OCLN: variants seen among roughly 807,000 people sequenced by gnomAD.
The protein encoded by OCLN is phosphatase 1, regulatory subunit 115.
OCLN carries 21 observed loss-of-function variants against 47.9 expected under a neutral mutation model. That is an observed-to-expected ratio of 0.44 (90% CI 0.31 to 0.63). OCLN has a LOEUF of 0.63. OCLN is among the 30% of genes least tolerant of loss of function. The pLI is 0.08. For missense variants in OCLN, 360 were observed against 571.0 expected, an observed-to-expected ratio of 0.63 and a Z score of 3.77; for synonymous variants, 117 against 198.4, an observed-to-expected ratio of 0.59 and a Z score of 3.45.
intron 1 of OCLN, among the ~76,000 whole-genome samples, chr5:69,495,400 T>A (rs2111920306): frequency 6.6e-6 from 1 of 152,326 alleles, no homozygotes; most frequent in Middle Eastern, 3.4e-3. Context: ...ATTCTGCCTT[T>A]CTAACAGGCT....
rs1309189343 is a variant in OCLN at position 69,536,195 on chromosome 5, T to C, written c.1037+1356T>C. On this transcript the variant is annotated intron_variant, in intron 5 of 8. Coordinates refer to ENST00000396442, the MANE Select transcript of OCLN (RefSeq NM_001205254.2). ...TGAATGAAGCTTGTAGGACTGGAAG[T>C]TGCTCTGGGTGAGTCAGGGAGTAAG... Among the ~76,000 whole-genome samples, 21 of 152,096 alleles carry C rather than the reference T, an allele frequency of 1.4e-4. No homozygotes were observed. The East Asian group carries it at 3.9e-3, about 28-fold the overall frequency.
chr5:69,503,968 T>G (rs1037335805), intron 1 of OCLN, among the ~76,000 whole-genome samples: 2 of 152,080 alleles, frequency 1.3e-5, no homozygotes, highest in Non-Finnish European at 2.9e-5. Context: ...GGCATGGTGG[T>G]GCAGGTCTGT....
At chr5:69,501,536 G>T (rs1473849098) in intron 1 of OCLN, among the ~76,000 whole-genome samples, 6 of 152,030 alleles carry the variant, frequency 3.9e-5, no homozygotes, top group Admixed American at 3.3e-4. Context: ...GGCTGAGGCA[G>T]GAGGATTGCT....
chr5:69,503,874 A>G (rs917721777), intron 1 of OCLN, among the ~76,000 whole-genome samples: 2 of 152,178 alleles, frequency 1.3e-5, no homozygotes, highest in Non-Finnish European at 2.9e-5. Context: ...TTTCTTATAC[A>G]TTCTCATTTA....
At chr5:69,514,775 C>T (rs1276970716) in intron 4 of OCLN, among the ~76,000 whole-genome samples, 1 of 152,156 alleles carries the variant, frequency 6.6e-6, no homozygotes, top group Admixed American at 6.6e-5. Context: ...GCACATCTTG[C>T]ACCACTCTTA....
chr5:69,532,143 T>TC (rs1477942157), intron 4 of OCLN, among the ~76,000 whole-genome samples: 3 of 152,190 alleles, frequency 2.0e-5, no homozygotes, highest in South Asian at 4.1e-4. Context: ...TCCTTTTTTT[T>TC]TTCTTTTTTT....
At chr5:69,512,023 C>CG (rs1554053698) in intron 3 of OCLN, among the ~76,000 whole-genome samples, 18 of 33,896 alleles carry the variant, frequency 5.3e-4, no homozygotes, top group Non-Finnish European at 9.9e-4. Flanking sequence ...AACTCTGTCT[C>CG]AAAAAAAAAA....
chr5:69,515,915 C>T (rs866508184), intron 4 of OCLN, among the ~76,000 whole-genome samples: 8 of 150,778 alleles, frequency 5.3e-5, no homozygotes, highest in Non-Finnish European at 1.2e-4. Context: ...CGGGCAGAGA[C>T]GCTCCTCACT....
Position 69,494,084 on chromosome 5 carries a change from C to T in OCLN, c.-69+1184C>T, listed in dbSNP as rs185946584. Among the ~76,000 whole-genome samples the T allele has an allele frequency of 7.9e-5, 12 of 152,316 alleles. No individual in the cohort carries two copies. The East Asian group carries it at 2.3e-3, about 29-fold the overall frequency. ...AAGAGAAACGTTTCCCATGAAGGCA[C>T]TTATGGTGTTTTTTGGTGATTCTTG... On this transcript the variant is annotated intron_variant, in intron 1 of 8. Coordinates refer to ENST00000396442, the MANE Select transcript of OCLN (RefSeq NM_001205254.2).
intron 3 of OCLN, among the ~76,000 whole-genome samples, chr5:69,510,135 C>T (rs1224938745): frequency 6.6e-6 from 1 of 152,198 alleles, no homozygotes; most frequent in Non-Finnish European, 1.5e-5. Flanking sequence ...ATTTCCCTAA[C>T]CATTCTTAGC....
chr5:69,538,125 G>A (rs906918625), intron 5 of OCLN, among the ~76,000 whole-genome samples: 4 of 151,182 alleles, frequency 2.6e-5, no homozygotes, highest in African/African-American at 4.9e-5. Context: ...TGCATTTGCC[G>A]TATACTTTTA....
rs1769902461 is a variant in OCLN, at chr5:69,553,920, T to G, written c.*249T>G. ...TCTTGTATTAAGAATGAAATACTGTTTGAGGTTTTTAAGCCTTAAAGGAAG... is the reference window on the plus strand; with the variant it reads ...TCTTGTATTAAGAATGAAATACTGTGTGAGGTTTTTAAGCCTTAAAGGAAG... On this transcript the variant is annotated 3_prime_UTR_variant, in exon 9 of 9. Transcript: ENST00000396442. The G allele has an allele frequency of 2.2e-6, 1 of 445,394 alleles. No homozygotes were observed. The allele number at this position is 445,394 out of a possible 1,614,324, so 27.6% of individuals were successfully genotyped here. A position where few individuals can be genotyped will look rare whatever the true frequency, so the allele number is the denominator to read the frequency against.
At chr5:69,515,529 G>T (rs1475002523) in intron 4 of OCLN, among the ~76,000 whole-genome samples, 8 of 70,606 alleles carry the variant, frequency 1.1e-4, no homozygotes, top group Non-Finnish European at 2.0e-4. Context: ...CTGGCCGGGC[G>T]GGGGGCTGAC....
At chr5:69,547,870 GC>G in intron 6 of OCLN, 59 bp from the exon 7 acceptor site, 1 of 601,830 alleles carries the variant, frequency 1.7e-6, no homozygotes, top group Non-Finnish European at 3.0e-6. Context: ...TGAGGAAGGA[GC>G]ATTGAATTTT....
rs1172312971 is a variant in OCLN, at chr5:69,513,410, TTCA to T, written c.730-533_730-531del. 3.3e-5 allele frequency among the ~76,000 whole-genome samples: 5 copies of T among 152,236 alleles called. No individual in the cohort carries two copies. The East Asian group carries it at 9.6e-4, about 29-fold the overall frequency. On this transcript the variant is annotated intron_variant, in intron 3 of 8. Transcript: ENST00000396442. ...TTTATAGCTTGATTAGATCCATGTC[TTCA>T]TCATTTTTGGTAAGATAGAGATCTA...
At chr5:69,500,731 C>T (rs1249232971) in intron 1 of OCLN, among the ~76,000 whole-genome samples, 2 of 151,930 alleles carry the variant, frequency 1.3e-5, no homozygotes, top group South Asian at 2.1e-4. Context: ...TTTGGGGAGA[C>T]GTGACAACTC....
intron 4 of OCLN, among the ~76,000 whole-genome samples, chr5:69,520,827 ATGT>A (rs1429765155): frequency 6.6e-6 from 1 of 152,026 alleles, no homozygotes; most frequent in African/African-American, 2.4e-5. Context: ...AAATAATGTA[ATGT>A]TGTTACTTTT....
At chr5:69,546,488 AT>A in intron 6 of OCLN, among the ~76,000 whole-genome samples, 1 of 141,656 alleles carries the variant, frequency 7.1e-6, no homozygotes, top group East Asian at 2.0e-4. Flanking sequence ...AACTTTATAT[AT>A]TTTTTTGAGA....
chr5:69,525,289 C>T (rs1410488524), intron 4 of OCLN, among the ~76,000 whole-genome samples: 1 of 151,340 alleles, frequency 6.6e-6, no homozygotes, highest in African/African-American at 2.4e-5. Flanking sequence ...TATTTTTAGT[C>T]TAGACGGGGT....
Sources: gnomAD v4.1 joint callset for allele counts (sites outside exome capture counted in the v4.1 genomes callset) on GRCh38, gnomAD v4.1.1 for gene constraint, MANE v1.5 for transcripts, NCBI Gene and HGNC (gene_info 2026-07-23, HGNC 2026-07-21) for gene names.